The following AKAP9 variants were observed in gnomAD, a reference collection of about 807,000 sequenced individuals.
The protein encoded by AKAP9 is A-kinase anchoring protein 9, also known as A-kinase anchor protein 9.
AKAP9 carries 311 observed loss-of-function variants against 488.5 expected under a neutral mutation model. The observed-to-expected ratio is 0.64, with a 90% CI of 0.58 to 0.70. The LOEUF (loss-of-function observed/expected upper bound fraction) is 0.70, where lower values mean the gene tolerates loss of function less well. Ranked by LOEUF, AKAP9 falls within the 30% of genes least tolerant of loss-of-function variation. The probability of loss-of-function intolerance (pLI) is 0.00; values close to 1 mark genes in which losing one functional copy is unlikely to be tolerated. For missense variants in AKAP9, 4,215 were observed against 4,374.5 expected, an observed-to-expected ratio of 0.96 and a Z score of 1.03; for synonymous variants, 1,462 against 1,483.5, an observed-to-expected ratio of 0.99 and a Z score of 0.33.
In AKAP9 at chr7:92,102,448, T is replaced by TTACTACTACTACTAC. The variant is rs11276778; in HGVS notation, c.11098-118_11098-104dup. On this transcript the variant is annotated intron_variant, in intron 45 of 49. Transcript: ENST00000356239. ...GTGATAGGAACCTGCCGTTTTACTA[T>TTACTACTACTACTAC]TACTACTACTACTACTACTACTACT... The TTACTACTACTACTAC allele has an allele frequency of 2.4e-3, 1,455 of 594,656 alleles. 1 individual carries two copies. Among genetic ancestry groups the TTACTACTACTACTAC allele is most frequent in the Admixed American group, 0.016 (554 of 34,604 alleles). 36.8% of individuals were successfully genotyped at this position (594,656 alleles called of 1,614,324 possible). A position where few individuals can be genotyped will look rare whatever the true frequency, so the allele number is the denominator to read the frequency against.
intron 5 of AKAP9, among the ~76,000 whole-genome samples, 193 bp downstream of exon 5, chr7:91,993,248 G>A (rs1169279425): frequency 6.6e-6 from 1 of 150,378 alleles, no homozygotes; most frequent in Non-Finnish European, 1.5e-5. Context: ...GAGTGTAGTG[G>A]TGCAATCTCG....
At chr7:92,009,719 A>G (rs541465953) in intron 8 of AKAP9, among the ~76,000 whole-genome samples, 1 of 152,256 alleles carries the variant, frequency 6.6e-6, no homozygotes. Context: ...AAATAAAATT[A>G]TAGATGAATC....
chr7:91,991,834 G>A lies in AKAP9; in HGVS notation c.352-324G>A, dbSNP rs371084603. Among the ~76,000 whole-genome samples the A allele has an allele frequency of 4.6e-5, 7 of 152,308 alleles. No homozygotes were observed. The South Asian group carries it at 1.4e-3, about 32-fold the overall frequency. ...TAATTATTTGAACCATTTTAAGGAA[G>A]CCTTTCATAGAAGAGATTTTATTGA... On this transcript the variant is annotated intron_variant, in intron 3 of 49. Transcript: ENST00000356239.
rs138566065 is a variant in AKAP9 at position 92,102,746 on chromosome 7, G to A, written c.11250G>A (p.Thr3750=). Residue 3750 remains threonine (T), a synonymous_variant, in exon 46 of 50, where the codon ACG becomes ACA. Coordinates refer to ENST00000356239, the MANE Select transcript of AKAP9 (RefSeq NM_005751.5). ...LARMGGQPAF[T]DLEVITNRPK... is the part of the protein sequence containing the mutation. ...GGATGGGGGGGCAGCCAGCTTTCACGGATCTAGAGGTGATCACCAATCGCC... is the reference window on the plus strand; with the variant it reads ...GGATGGGGGGGCAGCCAGCTTTCACAGATCTAGAGGTGATCACCAATCGCC... 1.5e-4 allele frequency: 237 copies of A among 1,614,088 alleles called. No individual in the cohort carries two copies. The highest frequency in any genetic ancestry group is 2.0e-4 in the Non-Finnish European group (231 of 1,180,034).
At position 92,070,152 on chromosome 7, in the gene AKAP9, C is replaced by G. The variant is rs1339431900; in HGVS notation, c.6453C>G (p.Phe2151Leu). 6.2e-7 allele frequency: 1 copy of G among 1,614,038 alleles called. No individual in the cohort carries two copies. Among genetic ancestry groups the G allele is most frequent in the South Asian group, 1.1e-5 (1 of 91,048 alleles). Residue 2151 changes from phenylalanine (F) to leucine (L), a missense_variant, in exon 27 of 50, where the codon TTC becomes TTG. Around this residue, in one of 5 missense-constraint regions of AKAP9, gnomAD observed 2,361 missense variants for 2,430.0 expected, o/e 0.97. Transcript: ENST00000356239. The part of the protein sequence containing the change: ...ERNEEIEKLE[F>L]RVRELEQALL... ...ATGAAGAAATAGAGAAACTGGAGTT[C>G]AGAGTAAGAGAACTGGAGCAGGCGC...
intron 47 of AKAP9, 112 bp downstream of exon 47, chr7:92,105,875 C>G (rs1818432241): frequency 1.1e-6 from 1 of 950,234 alleles, no homozygotes; most frequent in Non-Finnish European, 1.7e-6. Flanking sequence ...CCAGGCCGCA[C>G]AGCAGCAGGT....
rs1356798940 is a variant in AKAP9 at position 92,077,837 on chromosome 7, A to T, written c.6907A>T (p.Lys2303Ter). The T allele has an allele frequency of 6.2e-7, 1 of 1,613,754 alleles. No homozygotes were observed. Among genetic ancestry groups the T allele is most frequent in the East Asian group, 2.2e-5 (1 of 44,804 alleles). The change falls in exon 30 of 50, where the codon AAA (lysine) becomes TAA (stop). Residue 2303 changes from lysine to a stop codon, truncating the protein, a stop_gained. Coordinates refer to ENST00000356239, the MANE Select transcript of AKAP9 (RefSeq NM_005751.5). LOFTEE classifies it high-confidence loss of function. ...EIDQLNEQVT[K>*]LQQQLKITTD... ...TGACCAATTAAATGAACAAGTTACG[A>T]AACTCCAGCAGCAACTTAAAATTAC...
intron 3 of AKAP9, among the ~76,000 whole-genome samples, chr7:91,986,351 C>T (rs1797085766): frequency 6.6e-6 from 1 of 152,178 alleles, no homozygotes; most frequent in Non-Finnish European, 1.5e-5. Context: ...CTTACTCTTC[C>T]TGGGTGAGGC....
chr7:92,068,543 G>C (rs1173362398), intron 26 of AKAP9, among the ~76,000 whole-genome samples: 1 of 151,838 alleles, frequency 6.6e-6, no homozygotes, highest in Non-Finnish European at 1.5e-5. Context: ...TATTTGAAAA[G>C]GTTGGCCTGC....
intron 29 of AKAP9, 96 bp from the exon 30 acceptor site, chr7:92,077,600 C>A: frequency 2.8e-6 from 3 of 1,066,072 alleles, no homozygotes; most frequent in Non-Finnish European, 4.3e-6. Flanking sequence ...TGATTTTATT[C>A]ATTTGTACGT....
At chr7:92,056,463 C>A (rs931577362) in intron 22 of AKAP9, among the ~76,000 whole-genome samples, 1 of 151,676 alleles carries the variant, frequency 6.6e-6, no homozygotes, top group African/African-American at 2.4e-5. Context: ...TTAGCTGCAG[C>A]AGTGATAAGA....
Position 91,995,537 on chromosome 7 carries a change from A to G in AKAP9, c.733-66A>G. 2.8e-6 allele frequency: 4 copies of G among 1,417,220 alleles called. No individual in the cohort carries two copies. In the Admixed American group the frequency reaches 7.0e-5, roughly 25 times the overall value. The allele number at this position is 1,417,220 out of a possible 1,614,324, so 87.8% of individuals were successfully genotyped here. A position where few individuals can be genotyped will look rare whatever the true frequency, so the allele number is the denominator to read the frequency against. Reference sequence around the variant, plus strand: ...AGAGAGCTATTGCAGGGACACCCCAAAGGTGTCTGTTCCCTAATACAGTCA... The same window carrying G: ...AGAGAGCTATTGCAGGGACACCCCAGAGGTGTCTGTTCCCTAATACAGTCA... On this transcript the variant is annotated intron_variant, in intron 6 of 49. Coordinates refer to ENST00000356239, the MANE Select transcript of AKAP9 (RefSeq NM_005751.5).
rs750615378 is a variant in AKAP9, at chr7:91,980,338, G to A, written c.351+5G>A. ...GCAGATGACTGCAGTTCAGAGGTAA[G>A]ACTAAATTATATTGATTTCTAATAT... On this transcript the variant is annotated splice_donor_5th_base_variant and intron_variant, in intron 3 of 49. Coordinates refer to ENST00000356239, the MANE Select transcript of AKAP9 (RefSeq NM_005751.5). 1.3e-6 allele frequency: 2 copies of A among 1,497,616 alleles called. No homozygotes were observed. Among genetic ancestry groups the A allele is most frequent in the East Asian group, 2.3e-5 (1 of 43,560 alleles). 92.8% of individuals were successfully genotyped at this position (1,497,616 alleles called of 1,614,324 possible). A position where few individuals can be genotyped will look rare whatever the true frequency, so the allele number is the denominator to read the frequency against.
rs182356391 is a variant in AKAP9 at position 92,073,509 on chromosome 7, A to G, written c.6612+2500A>G. Among the ~76,000 whole-genome samples the G allele has an allele frequency of 3.8e-3, 580 of 152,272 alleles. 3 individuals carry two copies. Among genetic ancestry groups the G allele is most frequent in the African/African-American group, 0.013 (558 of 41,544 alleles). On this transcript the variant is annotated intron_variant, in intron 28 of 49. Transcript: ENST00000356239. ...CAACAGAGTGAGACTCCATCTCAAA[A>G]AAAAAAGAAAACAAAAATAGATGCA...
At chr7:91,991,285 C>G (rs375976095) in intron 3 of AKAP9, among the ~76,000 whole-genome samples, 1 of 147,018 alleles carries the variant, frequency 6.8e-6, no homozygotes, top group Non-Finnish European at 1.5e-5. Flanking sequence ...TTGCAAATGT[C>G]TTGATATTAA....
intron 38 of AKAP9, 71 bp downstream of exon 38, chr7:92,089,600 T>C: frequency 6.8e-7 from 1 of 1,466,476 alleles, no homozygotes; most frequent in Non-Finnish European, 9.4e-7. Context: ...TCTTTCTTAT[T>C]ATTATTAAGT....
intron 28 of AKAP9, among the ~76,000 whole-genome samples, chr7:92,073,541 T>C (rs1812088435): frequency 6.6e-6 from 1 of 151,954 alleles, no homozygotes; most frequent in South Asian, 2.1e-4. Flanking sequence ...TGCAAATTAA[T>C]CCAAACATTA....
At chr7:92,107,154 G>A (rs1406352401) in intron 47 of AKAP9, 139 bp from the exon 48 acceptor site, 2 of 882,668 alleles carry the variant, frequency 2.3e-6, no homozygotes, top group Non-Finnish European at 3.4e-6. Context: ...CCTTTATCAA[G>A]AATAATAGAA....
chr7:91,989,480 A>G (rs1797507618), intron 3 of AKAP9, among the ~76,000 whole-genome samples: 1 of 152,070 alleles, frequency 6.6e-6, no homozygotes, highest in South Asian at 2.1e-4. Flanking sequence ...TGTTTTTGAT[A>G]CCCTTTGAGC....
Sources: allele counts gnomAD v4.1 joint callset (sites outside exome capture counted in the v4.1 genomes callset), GRCh38; gene constraint gnomAD v4.1.1; regional missense constraint gnomAD v4.1.1; transcripts MANE v1.5; gene names NCBI Gene and HGNC (gene_info 2026-07-23, HGNC 2026-07-21).